The following NOX4 variants were observed in gnomAD, a reference collection of about 807,000 sequenced individuals.
NOX4 encodes the protein NADPH oxidase 4.
Under a neutral mutation model 87.6 loss-of-function variants are expected in NOX4, and 69 were observed. That is an observed-to-expected ratio of 0.79 (90% CI 0.65 to 0.96). The LOEUF (loss-of-function observed/expected upper bound fraction) is 0.96, where lower values mean the gene tolerates loss of function less well. Ranked by LOEUF, NOX4 falls within the 40% of genes least tolerant of loss-of-function variation. The pLI is 0.00. For missense variants in NOX4, 680 were observed against 681.5 expected (o/e 1.00, Z 0.02); for synonymous variants, 275 against 238.2 (o/e 1.15, Z -1.42).
At chr11:89,336,818 C>T (rs1945733824) in intron 16 of NOX4, among the ~76,000 whole-genome samples, 1 of 151,952 alleles carries the variant, frequency 6.6e-6, no homozygotes, top group South Asian at 2.1e-4. Flanking sequence ...TAACTGAAAA[C>T]ATTCAAATGT....
intron 2 of NOX4, among the ~76,000 whole-genome samples, chr11:89,454,983 C>CA (rs1472141505): frequency 4.6e-5 from 7 of 151,808 alleles, no homozygotes; most frequent in Non-Finnish European, 7.4e-5. Context: ...AAAACTAAGG[C>CA]AAAAAATGTA....
In NOX4 at chr11:89,392,989, C is replaced by A. The variant is rs760756492; in HGVS notation, c.1074+7028G>T. Among the ~76,000 whole-genome samples the A allele has an allele frequency of 2.6e-5, 4 of 152,148 alleles. No individual in the cohort carries two copies. In the South Asian group the frequency reaches 8.3e-4, roughly 31 times the overall value. On this transcript the variant is annotated intron_variant, in intron 11 of 17. Transcript: ENST00000263317. ...GATAAGCACTCCCATCCCTCAAATTCTCTATTGTGCTTAAATTCTCCTTTC... is the reference window on the plus strand; with the variant it reads ...GATAAGCACTCCCATCCCTCAAATTATCTATTGTGCTTAAATTCTCCTTTC...
chr11:89,482,753 C>G (rs1444223864), intron 2 of NOX4, among the ~76,000 whole-genome samples: 2 of 152,042 alleles, frequency 1.3e-5, no homozygotes, highest in Admixed American at 6.6e-5. Context: ...TACTTCTGAT[C>G]AAATACTTCT....
intron 8 of NOX4, among the ~76,000 whole-genome samples, chr11:89,409,170 G>A (rs1942341362): frequency 6.6e-6 from 1 of 152,026 alleles, no homozygotes; most frequent in Admixed American, 6.6e-5. Flanking sequence ...TGACAGTGGA[G>A]GATAAAATAT....
chr11:89,420,597 T>C (rs16913219), intron 8 of NOX4, among the ~76,000 whole-genome samples: 5,462 of 152,142 alleles, frequency 0.036, 322 homozygotes, highest in African/African-American at 0.12. Context: ...CAGCAGTCTC[T>C]AAAATCAGGT....
the NOX4 span, among the ~76,000 whole-genome samples, chr11:89,579,487 T>C: frequency 6.6e-6 from 1 of 151,664 alleles, no homozygotes; most frequent in African/African-American, 2.4e-5. Flanking sequence ...AAAAGTCTAT[T>C]TAAAGAACAA....
At chr11:89,493,600 T>C (rs1293069012), upstream of NOX4, among the ~76,000 whole-genome samples, 5 of 152,022 alleles carry the variant, frequency 3.3e-5, no homozygotes, top group Non-Finnish European at 7.4e-5. Context: ...GATCTGTTTA[T>C]GTTGCTTTAC....
intron 2 of NOX4, among the ~76,000 whole-genome samples, chr11:89,468,293 T>C (rs1334768071): frequency 3.3e-5 from 5 of 152,208 alleles, no homozygotes; most frequent in Non-Finnish European, 5.9e-5. Context: ...AAACTGAAGA[T>C]AAAAGTGGTA....
upstream of NOX4, among the ~76,000 whole-genome samples, chr11:89,493,487 T>A (rs978575473): frequency 1.3e-5 from 2 of 152,008 alleles, no homozygotes; most frequent in Non-Finnish European, 2.9e-5. Flanking sequence ...CAACCTATAA[T>A]CAGTTACTTT....
the NOX4 span, among the ~76,000 whole-genome samples, chr11:89,526,734 T>G: frequency 2.6e-5 from 4 of 152,180 alleles, no homozygotes; most frequent in Non-Finnish European, 4.4e-5. Context: ...ACCATGATTG[T>G]AAGTTTCCTG....
intron 2 of NOX4, among the ~76,000 whole-genome samples, chr11:89,479,341 G>A (rs918985321): frequency 1.7e-4 from 26 of 152,082 alleles, no homozygotes; most frequent in African/African-American, 6.3e-4. Context: ...CCGGACCTTA[G>A]CTTTCTATGA....
At chr11:89,444,261 T>C in intron 4 of NOX4, 29 bp from the exon 5 acceptor site, 4 of 1,589,060 alleles carry the variant, frequency 2.5e-6, no homozygotes, top group Non-Finnish European at 3.5e-6. Flanking sequence ...GGTAAGTTAG[T>C]GGGATTTGCA....
At chr11:89,526,327 T>C in the NOX4 span, among the ~76,000 whole-genome samples, 4 of 152,192 alleles carry the variant, frequency 2.6e-5, no homozygotes, top group Non-Finnish European at 4.4e-5. Flanking sequence ...TAATGAGTAA[T>C]GATCAAACCT....
intron 13 of NOX4, among the ~76,000 whole-genome samples, chr11:89,343,327 G>A (rs1946082537): frequency 6.6e-6 from 1 of 152,180 alleles, no homozygotes; most frequent in South Asian, 2.1e-4. Flanking sequence ...ATCAATGAGT[G>A]CCTACAGTAT....
intron 12 of NOX4, among the ~76,000 whole-genome samples, chr11:89,372,255 C>T (rs1174704894): frequency 1.3e-5 from 2 of 151,778 alleles, no homozygotes; most frequent in Non-Finnish European, 2.9e-5. Context: ...CAACTAGCAA[C>T]TTAATTAATA....
intron 17 of NOX4, among the ~76,000 whole-genome samples, chr11:89,335,076 T>C (rs895214349): frequency 4.0e-5 from 6 of 151,786 alleles, no homozygotes; most frequent in African/African-American, 9.7e-5. Context: ...ATCTGCAATA[T>C]GTTAGAAATC....
chr11:89,564,730 T>C, the NOX4 span, among the ~76,000 whole-genome samples: 1 of 146,004 alleles, frequency 6.8e-6, no homozygotes, highest in Non-Finnish European at 1.5e-5. Context: ...AGTTTTTTGT[T>C]GTTGTTGTTG....
upstream of NOX4, chr11:89,492,340 A>G (rs1946879780): frequency 1.3e-5 from 2 of 152,246 alleles, no homozygotes; most frequent in South Asian, 4.1e-4. Context: ...TAGATTTAAC[A>G]ACTAATGAGA....
intron 2 of NOX4, among the ~76,000 whole-genome samples, chr11:89,476,772 G>A (rs1946185654): frequency 6.6e-6 from 1 of 152,086 alleles, no homozygotes; most frequent in South Asian, 2.1e-4. Context: ...TGCAAACAAT[G>A]GAATACCATG....
Sources: gnomAD v4.1 joint callset for allele counts (sites outside exome capture counted in the v4.1 genomes callset) on GRCh38, gnomAD v4.1.1 for gene constraint, MANE v1.5 for transcripts, NCBI Gene and HGNC (gene_info 2026-07-23, HGNC 2026-07-21) for gene names.